Variants in FHIT observed in about 807,000 individuals in gnomAD.
FHIT encodes fragile histidine triad diadenosine triphosphatase.
In FHIT, 19 loss-of-function variants were observed where a neutral mutation model predicts 17.9. The observed-to-expected ratio is 1.06, with a 90% CI of 0.74 to 1.56. The LOEUF (loss-of-function observed/expected upper bound fraction) is 1.56, where lower values mean the gene tolerates loss of function less well. Among genes scored for constraint, FHIT ranks in the 40% most tolerant of loss-of-function variants. The pLI, the probability that FHIT is intolerant of heterozygous loss-of-function variation, is 0.00. For synonymous variants in FHIT, 81 were observed against 69.7 expected (o/e 1.16, Z -0.81); for missense variants, 248 against 189.2 (o/e 1.31, Z -1.82).
At chr3:59,889,086 G>A (rs919670503) in intron 8 of FHIT, among the ~76,000 whole-genome samples, 7 of 152,146 alleles carry the variant, frequency 4.6e-5, no homozygotes, top group Admixed American at 3.3e-4. Flanking sequence ...TGGGGATTAC[G>A]TTTCTAACAC....
intron 4 of FHIT, among the ~76,000 whole-genome samples, chr3:60,608,216 T>A (rs1304768271): frequency 6.6e-6 from 1 of 152,218 alleles, no homozygotes; most frequent in East Asian, 1.9e-4. Flanking sequence ...CTCTTTCCTC[T>A]TCATTTCTAG....
chr3:60,462,369 TATGGCTTGAGTGCCC>T (rs2107415301), intron 5 of FHIT, among the ~76,000 whole-genome samples: 1 of 152,276 alleles, frequency 6.6e-6, no homozygotes, highest in East Asian at 1.9e-4. Flanking sequence ...AAGCCAACGG[TATGGCTTGAGTGCCC>T]ATGGCTCAAC....
rs76520106 is a variant in FHIT at position 61,020,747 on chromosome 3, C to A, written c.-111+21300G>T. On this transcript the variant is annotated intron_variant, in intron 3 of 9. Transcript: ENST00000492590. ...TGGCAAATTGGATAAACAGTCATGA[C>A]CCGTGGGTGTGCTGTATCGGTGCGC... 6.2e-3 allele frequency among the ~76,000 whole-genome samples: 950 copies of A among 152,140 alleles called. 7 individuals carry two copies. The highest frequency in any genetic ancestry group is 0.021 in the African/African-American group (883 of 41,494).
Position 60,422,832 on chromosome 3 carries a change from T to C in FHIT, c.103+114028A>G, listed in dbSNP as rs537873243. ...GCTTTCCATCATCTTAAGAATGAGATCCAAATTCTTCAACCTAGTTTAAAT... is the reference window on the plus strand; with the variant it reads ...GCTTTCCATCATCTTAAGAATGAGACCCAAATTCTTCAACCTAGTTTAAAT... On this transcript the variant is annotated intron_variant, in intron 5 of 9. Coordinates refer to ENST00000492590, the MANE Select transcript of FHIT (RefSeq NM_002012.4). Among the ~76,000 whole-genome samples the C allele has an allele frequency of 5.3e-4, 80 of 152,192 alleles. 2 individuals are homozygous for C. In the South Asian group the frequency reaches 5.8e-3, roughly 11 times the overall value.
At chr3:59,899,627 A>G (rs1340960635) in intron 8 of FHIT, among the ~76,000 whole-genome samples, 1 of 151,956 alleles carries the variant, frequency 6.6e-6, no homozygotes, top group Admixed American at 6.6e-5. Context: ...TGAGCTCAGG[A>G]GTTCGAGACC....
rs183674412 is a variant in FHIT at position 60,556,653 on chromosome 3, C to G, written c.-17-19674G>C. On this transcript the variant is annotated intron_variant, in intron 4 of 9. Coordinates refer to ENST00000492590, the MANE Select transcript of FHIT (RefSeq NM_002012.4). ...AGCTCTTCTCAGTACAAGTGGTCAC[C>G]CAACACCGCTCAGAAAACGGTTAGG... is the stretch of plus-strand genomic sequence containing the variant. Among the ~76,000 whole-genome samples the G allele has an allele frequency of 3.9e-5, 6 of 152,294 alleles. No homozygotes were observed. In the East Asian group the frequency reaches 9.7e-4, roughly 25 times the overall value.
At position 60,656,536 on chromosome 3, in the gene FHIT, A is replaced by G. The variant is rs1451870617; in HGVS notation, c.-17-119557T>C. On this transcript the variant is annotated intron_variant, in intron 4 of 9. Coordinates refer to ENST00000492590, the MANE Select transcript of FHIT (RefSeq NM_002012.4). ...AACGCACATCCTCCTCCTCTCTCCA[A>G]AGGGAATGGAGGAAAAGGAAACAAA... 2.0e-5 allele frequency among the ~76,000 whole-genome samples: 3 copies of G among 152,082 alleles called. No individual in the cohort carries two copies. The East Asian group carries it at 5.8e-4, about 29-fold the overall frequency.
chr3:60,519,445 T>C (rs1469434525), intron 5 of FHIT, among the ~76,000 whole-genome samples: 2 of 152,206 alleles, frequency 1.3e-5, no homozygotes, highest in East Asian at 3.9e-4. Context: ...ATCTGCATAG[T>C]TGAAAATTCA....
chr3:60,127,558 T>C (rs1447320204), intron 5 of FHIT, among the ~76,000 whole-genome samples: 3 of 152,192 alleles, frequency 2.0e-5, no homozygotes, highest in Non-Finnish European at 2.9e-5. Flanking sequence ...AGAAATGATA[T>C]ACATCTTATT....
At chr3:60,426,732 C>G (rs1223497684) in intron 5 of FHIT, among the ~76,000 whole-genome samples, 1 of 152,134 alleles carries the variant, frequency 6.6e-6, no homozygotes, top group African/African-American at 2.4e-5. Flanking sequence ...TCATTGCCAT[C>G]AGAATTTTGG....
intron 8 of FHIT, among the ~76,000 whole-genome samples, chr3:59,774,923 C>A (rs193263929): frequency 1.3e-5 from 2 of 152,120 alleles, no homozygotes; most frequent in Non-Finnish European, 2.9e-5. Flanking sequence ...TATAGACCAG[C>A]GACATCAGCA....
At chr3:60,841,280 A>C (rs1702717134) in intron 3 of FHIT, among the ~76,000 whole-genome samples, 1 of 152,212 alleles carries the variant, frequency 6.6e-6, no homozygotes. Flanking sequence ...AACGGCATGC[A>C]CTGTGTGTTA....
chr3:60,057,686 G>A (rs1702135100), intron 5 of FHIT, among the ~76,000 whole-genome samples: 1 of 148,788 alleles, frequency 6.7e-6, no homozygotes, highest in African/African-American at 2.5e-5. Context: ...TGACCTTCAG[G>A]CCTCTCGAAA....
At chr3:61,131,920 C>T (rs930659142) in intron 2 of FHIT, among the ~76,000 whole-genome samples, 1 of 152,064 alleles carries the variant, frequency 6.6e-6, no homozygotes, top group Non-Finnish European at 1.5e-5. Context: ...CTAAAATAGC[C>T]CCAGAAAACT....
chr3:60,826,177 G>A (rs567189002), intron 3 of FHIT, among the ~76,000 whole-genome samples: 1 of 129,836 alleles, frequency 7.7e-6, no homozygotes, highest in African/African-American at 4.2e-5. Context: ...AAGGAAGGAA[G>A]GAAGGAAGGA....
At chr3:60,154,521 G>A (rs1700598276) in intron 5 of FHIT, among the ~76,000 whole-genome samples, 1 of 152,086 alleles carries the variant, frequency 6.6e-6, no homozygotes, top group Non-Finnish European at 1.5e-5. Context: ...ATGACAAGAG[G>A]TATATTGCCA....
chr3:60,045,736 C>A (rs577601512), intron 5 of FHIT, among the ~76,000 whole-genome samples: 30 of 152,212 alleles, frequency 2.0e-4, no homozygotes, highest in Admixed American at 3.3e-4. Context: ...ACTTAGGAGG[C>A]AGAACTGAAA....
At chr3:60,490,412 TC>T (rs2034015239) in intron 5 of FHIT, among the ~76,000 whole-genome samples, 1 of 152,118 alleles carries the variant, frequency 6.6e-6, no homozygotes, top group African/African-American at 2.4e-5. Flanking sequence ...TGCTAGACAT[TC>T]CATTTTGCTT....
intron 5 of FHIT, among the ~76,000 whole-genome samples, chr3:60,114,117 T>G (rs1446694235): frequency 1.8e-5 from 2 of 113,600 alleles, no homozygotes; most frequent in Admixed American, 1.9e-4. Flanking sequence ...AAAATAAAAA[T>G]AAAAAATACA....
Sources: allele counts gnomAD v4.1 joint callset (sites outside exome capture counted in the v4.1 genomes callset), GRCh38; gene constraint gnomAD v4.1.1; transcripts MANE v1.5; gene names NCBI Gene and HGNC (gene_info 2026-07-23, HGNC 2026-07-21).